The following VPS13D variants were observed in gnomAD, a reference collection of about 807,000 sequenced individuals.
VPS13D encodes intermembrane lipid transfer protein VPS13D.
Under a neutral mutation model 461.9 loss-of-function variants are expected in VPS13D, and 187 were observed. That is an observed-to-expected ratio of 0.40 (90% CI 0.36 to 0.46). The LOEUF (loss-of-function observed/expected upper bound fraction) is 0.46. Among genes scored for constraint, VPS13D ranks in the 20% least tolerant of loss-of-function variants. The pLI is 0.60. For synonymous variants in VPS13D, 1,951 were observed against 1,986.3 expected, an observed-to-expected ratio of 0.98 and a Z score of 0.47; for missense variants, 4,711 against 5,364.9, an observed-to-expected ratio of 0.88 and a Z score of 3.81.
intron 20 of VPS13D, among the ~76,000 whole-genome samples, chr1:12,281,063 ATT>A (rs201362588): frequency 1.7e-4 from 24 of 138,482 alleles, no homozygotes; most frequent in Admixed American, 2.9e-4. Flanking sequence ...TGTTTTATCT[ATT>A]TTTTTTTTTT....
In VPS13D at chr1:12,283,639, T is replaced by C; in HGVS notation, c.5537T>C (p.Leu1846Pro). Reference protein sequence around the residue: ...GSTADNHAMRLPPEGILHNVK... With the variant: ...GSTADNHAMRPPPEGILHNVK... ...ACTGCAGACAACCACGCAATGAGGC[T>C]GCCTCCTGAGGGCATTCTGCACAAC... Residue 1846 changes from leucine to proline, a missense_variant, in exon 21 of 70, where the codon CTG becomes CCG. Physicochemically the swap from Leu to Pro is moderately conservative, Grantham distance 98. This residue lies in a region of VPS13D where 4,411 missense variants were observed against 4,937.8 expected (regional missense o/e 0.89). Coordinates refer to ENST00000620676, the MANE Select transcript of VPS13D (RefSeq NM_015378.4). The C allele has an allele frequency of 1.2e-6, 2 of 1,614,216 alleles. No individual in the cohort carries two copies. Among genetic ancestry groups the C allele is most frequent in the South Asian group, 2.2e-5 (2 of 91,084 alleles).
chr1:12,282,617 A>T (rs900025500), intron 20 of VPS13D, 88 bp from the exon 21 acceptor site: 38 of 1,247,396 alleles, frequency 3.0e-5, no homozygotes, highest in Non-Finnish European at 3.9e-5. Context: ...TCATGTAGGA[A>T]TCATGTGGCA....
chr1:12,323,913 A>G, intron 35 of VPS13D, 133 bp downstream of exon 35: 2 of 851,816 alleles, frequency 2.3e-6, no homozygotes, highest in Non-Finnish European at 3.8e-6. Context: ...TCTTCTCTGG[A>G]CTGCATATCA....
chr1:12,366,949 A>G (rs1448106812), intron 52 of VPS13D, among the ~76,000 whole-genome samples: 2 of 152,238 alleles, frequency 1.3e-5, no homozygotes, highest in Non-Finnish European at 2.9e-5. Context: ...CTAATTAAAT[A>G]TAATACTATT....
At chr1:12,364,450 G>T (rs1205433213) in intron 52 of VPS13D, among the ~76,000 whole-genome samples, 2 of 152,186 alleles carry the variant, frequency 1.3e-5, no homozygotes, top group Admixed American at 1.3e-4. Context: ...GCGAACATAG[G>T]TTCGCATATG....
At chr1:12,266,371 G>A (rs1329339328) in intron 13 of VPS13D, among the ~76,000 whole-genome samples, 2 of 152,130 alleles carry the variant, frequency 1.3e-5, no homozygotes, top group East Asian at 1.9e-4. Context: ...AGCAAACTTC[G>A]TTGTTGTCTT....
At chr1:12,377,829 A>C (rs1644221140) in intron 55 of VPS13D, among the ~76,000 whole-genome samples, 1 of 151,860 alleles carries the variant, frequency 6.6e-6, no homozygotes, top group Non-Finnish European at 1.5e-5. Flanking sequence ...CCAAAAAAAA[A>C]AAAAAAAAAA....
intron 18 of VPS13D, among the ~76,000 whole-genome samples, chr1:12,274,653 C>A (rs765787590): frequency 2.6e-5 from 4 of 152,196 alleles, no homozygotes; most frequent in Non-Finnish European, 5.9e-5. Context: ...CACTGCTCAG[C>A]TGGAGAAAGA....
chr1:12,394,889 C>T (rs1644474929), intron 60 of VPS13D, among the ~76,000 whole-genome samples: 1 of 152,210 alleles, frequency 6.6e-6, no homozygotes, highest in Non-Finnish European at 1.5e-5. Flanking sequence ...GGGCCCAGAT[C>T]AATAAATCCT....
chr1:12,472,867 C>T (rs1645580731), intron 67 of VPS13D, among the ~76,000 whole-genome samples: 1 of 152,234 alleles, frequency 6.6e-6, no homozygotes, highest in Non-Finnish European at 1.5e-5. Context: ...AGCTTTTGCA[C>T]AGCATCTGCT....
At chr1:12,305,261 T>C (rs1163838990) in intron 26 of VPS13D, among the ~76,000 whole-genome samples, 3 of 152,082 alleles carry the variant, frequency 2.0e-5, no homozygotes, top group Non-Finnish European at 4.4e-5. Flanking sequence ...TTTGGAGGCT[T>C]TTCTGGTTTT....
intron 2 of VPS13D, among the ~76,000 whole-genome samples, chr1:12,240,574 G>A (rs1308903801): frequency 9.1e-6 from 1 of 109,404 alleles, no homozygotes; most frequent in African/African-American, 3.7e-5. Context: ...CAGCCTGGGC[G>A]ACAAAAGCGA....
chr1:12,295,222 CAAA>C (rs112447551), intron 24 of VPS13D, among the ~76,000 whole-genome samples: 6 of 72,966 alleles, frequency 8.2e-5, no homozygotes, highest in African/African-American at 1.3e-4. Flanking sequence ...CACCATGACT[CAAA>C]AAAAAAAAAA....
chr1:12,421,049 A>T (rs1557428329), intron 65 of VPS13D, among the ~76,000 whole-genome samples: 1 of 152,140 alleles, frequency 6.6e-6, no homozygotes, highest in Admixed American at 6.5e-5. Context: ...CTGTTGTTTA[A>T]TTTATTTAAT....
Position 12,369,229 on chromosome 1 carries a change from C to CTGTG in VPS13D, c.10573-216_10573-213dup, listed in dbSNP as rs142328809. Reference sequence around the variant, plus strand: ...TATATGTATATATGTGTGTGTGTATCTGTGTGTGTGTGTGTGTGTGTGTGT... The same window carrying CTGTG: ...TATATGTATATATGTGTGTGTGTATCTGTGTGTGTGTGTGTGTGTGTGTGTGTGT... On this transcript the variant is annotated intron_variant, in intron 53 of 69. Coordinates refer to ENST00000620676, the MANE Select transcript of VPS13D (RefSeq NM_015378.4). Among the ~76,000 whole-genome samples, 727 of 147,658 alleles carry CTGTG rather than the reference C, an allele frequency of 4.9e-3. 4 individuals carry two copies. Among genetic ancestry groups the CTGTG allele is most frequent in the African/African-American group, 0.016 (646 of 40,424 alleles).
At position 12,329,810 on chromosome 1, in the gene VPS13D, A is replaced by G. The variant is rs527588408; in HGVS notation, c.8198-19A>G. ...TTGCTCCTGCCCTGCCGCTGCAGTA[A>G]GGTTTGCTTTCATTGCAGGTCTGAA... On this transcript the variant is annotated intron_variant, in intron 36 of 69. Coordinates refer to ENST00000620676, the MANE Select transcript of VPS13D (RefSeq NM_015378.4). The G allele has an allele frequency of 1.1e-4, 176 of 1,612,294 alleles. No homozygotes were observed. Among genetic ancestry groups the G allele is most frequent in the Non-Finnish European group, 1.4e-4 (168 of 1,178,676 alleles).
At chr1:12,444,639 G>A (rs1174062846) in intron 65 of VPS13D, among the ~76,000 whole-genome samples, 1 of 151,930 alleles carries the variant, frequency 6.6e-6, no homozygotes, top group Non-Finnish European at 1.5e-5. Flanking sequence ...TGCTAATTCT[G>A]TCGACTCTGC....
At chr1:12,301,579 C>T (rs1642426956) in intron 25 of VPS13D, among the ~76,000 whole-genome samples, 1 of 152,192 alleles carries the variant, frequency 6.6e-6, no homozygotes, top group South Asian at 2.1e-4. Flanking sequence ...ATGTATTCAC[C>T]AACCTGATAT....
chr1:12,460,179 C>T, intron 66 of VPS13D, 22 bp from the exon 67 acceptor site: 3 of 1,547,082 alleles, frequency 1.9e-6, no homozygotes, highest in Non-Finnish European at 2.6e-6. Context: ...CAGGTTACAA[C>T]AGCCCTTGTC....
Sources: gnomAD v4.1 joint callset for allele counts (sites outside exome capture counted in the v4.1 genomes callset) on GRCh38, gnomAD v4.1.1 for gene constraint, gnomAD v4.1.1 regional missense constraint, MANE v1.5 for transcripts, NCBI Gene and HGNC (gene_info 2026-07-23, HGNC 2026-07-21) for gene names.